Variants in UVRAG observed in about 807,000 individuals in gnomAD.
The protein encoded by UVRAG is UV radiation resistance-associated gene protein.
Under a neutral mutation model 78.0 loss-of-function variants are expected in UVRAG, and 19 were observed. The observed-to-expected ratio is 0.24, with a 90% CI of 0.17 to 0.36. The LOEUF is 0.36. Among genes scored for constraint, UVRAG ranks in the 10% least tolerant of loss-of-function variants. The pLI is 1.00. For synonymous variants in UVRAG, 323 were observed against 324.6 expected, an observed-to-expected ratio of 1.00 and a Z score of 0.05; for missense variants, 740 against 853.8, an observed-to-expected ratio of 0.87 and a Z score of 1.66.
chr11:76,035,996 G>A (rs936892682), intron 12 of UVRAG, among the ~76,000 whole-genome samples: 5 of 152,174 alleles, frequency 3.3e-5, no homozygotes, highest in African/African-American at 1.2e-4. Flanking sequence ...CAAAAATAAG[G>A]TTGGTTCATA....
chr11:76,032,692 G>T (rs535496642), intron 12 of UVRAG, among the ~76,000 whole-genome samples: 1 of 152,180 alleles, frequency 6.6e-6, no homozygotes. Flanking sequence ...AGGCATGCTT[G>T]ATGAGATGGC....
At chr11:76,002,030 AT>A (rs1949823930) in intron 8 of UVRAG, among the ~76,000 whole-genome samples, 1 of 152,184 alleles carries the variant, frequency 6.6e-6, no homozygotes, top group Non-Finnish European at 1.5e-5. Flanking sequence ...CATGGACATC[AT>A]TGCTTCCAGA....
At chr11:75,971,463 T>C (rs1949119738) in intron 7 of UVRAG, among the ~76,000 whole-genome samples, 1 of 152,352 alleles carries the variant, frequency 6.6e-6, no homozygotes, top group African/African-American at 2.4e-5. Context: ...CCACCTTCAA[T>C]GAATGACAGT....
At position 75,950,963 on chromosome 11, in the gene UVRAG, T is replaced by TACACACACAC. The variant is rs35864936; in HGVS notation, c.594-10449_594-10440dup. 8.3e-3 allele frequency among the ~76,000 whole-genome samples: 1,166 copies of TACACACACAC among 140,024 alleles called. 16 individuals carry two copies. Among genetic ancestry groups the TACACACACAC allele is most frequent in the African/African-American group, 0.024 (905 of 38,086 alleles). The allele number at this position is 140,024 out of a possible 152,430, so 91.9% of individuals were successfully genotyped here. ...TTGGATAGAAGTCCTTTGTCAGGTG[T>TACACACACAC]ACACACACACACACACACACACACA... On this transcript the variant is annotated intron_variant, in intron 6 of 14. Coordinates refer to ENST00000356136, the MANE Select transcript of UVRAG (RefSeq NM_003369.4).
chr11:75,912,069 C>T, intron 6 of UVRAG, 30 bp downstream of exon 6: 1 of 1,450,870 alleles, frequency 6.9e-7, no homozygotes. Flanking sequence ...GCCCTGAATT[C>T]TAAAGAATCT....
At chr11:75,916,965 G>A (rs1947870154) in intron 6 of UVRAG, among the ~76,000 whole-genome samples, 2 of 152,244 alleles carry the variant, frequency 1.3e-5, no homozygotes. Flanking sequence ...TTTTATGATA[G>A]TGATGTTATC....
At position 76,140,048 on chromosome 11, in the gene UVRAG, A is replaced by ACTCT. The variant is rs1312448539; in HGVS notation, c.1398-653_1398-650dup. ...TTTTAATTTTTAAAATATAACCTTG[A>ACTCT]CTCTCTCTCTCTCCCTCCCTCCCTC... On this transcript the variant is annotated intron_variant, in intron 14 of 14. Transcript: ENST00000356136. 2.6e-3 allele frequency among the ~76,000 whole-genome samples: 236 copies of ACTCT among 89,966 alleles called. 35 individuals are homozygous for ACTCT. Among genetic ancestry groups the ACTCT allele is most frequent in the African/African-American group, 0.012 (218 of 18,210 alleles). 59.0% of individuals were successfully genotyped at this position (89,966 alleles called of 152,430 possible).
intron 6 of UVRAG, among the ~76,000 whole-genome samples, chr11:75,937,444 G>A (rs150529765): frequency 3.6e-4 from 55 of 152,212 alleles, no homozygotes; most frequent in African/African-American, 1.3e-3. Context: ...CCTTTCTACT[G>A]GTAATTGAAC....
chr11:75,852,046 A>AT (rs746593632), intron 2 of UVRAG, 46 bp downstream of exon 2: 63 of 1,376,974 alleles, frequency 4.6e-5, no homozygotes, highest in Middle Eastern at 1.8e-4. Flanking sequence ...TTATATTTTT[A>AT]TTTTTTTTGT....
chr11:75,933,565 A>G (rs546075381), intron 6 of UVRAG, among the ~76,000 whole-genome samples: 9 of 152,314 alleles, frequency 5.9e-5, no homozygotes, highest in African/African-American at 1.4e-4. Flanking sequence ...TGAAGGCACA[A>G]CCTAGAGAAT....
intron 8 of UVRAG, among the ~76,000 whole-genome samples, chr11:75,992,195 C>T (rs1298242800): frequency 6.6e-6 from 1 of 152,126 alleles, no homozygotes; most frequent in African/African-American, 2.4e-5. Flanking sequence ...CCTAACTGTG[C>T]TGCGAAGGGA....
intron 5 of UVRAG, among the ~76,000 whole-genome samples, chr11:75,889,926 T>A (rs1423567486): frequency 1.3e-5 from 2 of 152,330 alleles, no homozygotes; most frequent in African/African-American, 4.8e-5. Flanking sequence ...GACTTGACTT[T>A]TAAAGCTACA....
At chr11:76,000,656 A>G (rs1847528587) in intron 8 of UVRAG, among the ~76,000 whole-genome samples, 1 of 152,110 alleles carries the variant, frequency 6.6e-6, no homozygotes, top group African/African-American at 2.4e-5. Flanking sequence ...AGATAGATTA[A>G]AAGTTAAAGA....
chr11:76,051,156 G>C (rs1950858892), intron 12 of UVRAG, among the ~76,000 whole-genome samples: 1 of 152,144 alleles, frequency 6.6e-6, no homozygotes, highest in African/African-American at 2.4e-5. Context: ...ATTTCAAGTG[G>C]TGAATAGGTT....
chr11:76,074,035 T>A (rs1464635601), intron 13 of UVRAG, among the ~76,000 whole-genome samples: 2 of 152,130 alleles, frequency 1.3e-5, no homozygotes, highest in Non-Finnish European at 2.9e-5. Flanking sequence ...TTTGGAAAAT[T>A]TGCTTATTTT....
In UVRAG at chr11:75,938,391, C is replaced by T. The variant is rs147869319; in HGVS notation, c.594-23053C>T. 4.0e-3 allele frequency among the ~76,000 whole-genome samples: 610 copies of T among 152,256 alleles called. 1 individual carries two copies. The highest frequency in any genetic ancestry group is 6.3e-3 in the Non-Finnish European group (427 of 68,008). ...TGGATTGTATTTTCCTACTTCTCTGCATATACAGTCATTTTTAATTGGATG... is the reference window on the plus strand; with the variant it reads ...TGGATTGTATTTTCCTACTTCTCTGTATATACAGTCATTTTTAATTGGATG... On this transcript the variant is annotated intron_variant, in intron 6 of 14. Coordinates refer to ENST00000356136, the MANE Select transcript of UVRAG (RefSeq NM_003369.4).
At chr11:75,892,751 C>A (rs1947242157) in intron 5 of UVRAG, among the ~76,000 whole-genome samples, 1 of 152,154 alleles carries the variant, frequency 6.6e-6, no homozygotes, top group Non-Finnish European at 1.5e-5. Context: ...GTAGACTGAA[C>A]CTTAAAAAAC....
At chr11:76,108,784 G>A (rs660211) in intron 13 of UVRAG, among the ~76,000 whole-genome samples, 136,824 of 152,168 alleles carry the variant, frequency 0.9, 61,990 homozygotes, top group African/African-American at 0.97. Flanking sequence ...TTTTTTTAGC[G>A]TAAGGATTAT....
chr11:75,826,750 TA>T lies in UVRAG; in HGVS notation c.117+11228del, dbSNP rs1190997227. On this transcript the variant is annotated intron_variant, in intron 1 of 14. Coordinates refer to ENST00000356136, the MANE Select transcript of UVRAG (RefSeq NM_003369.4). ...TAAGAACTTCTGTTCTCTGCCTCTT[TA>T]AGTTTCTGAAAGAGTAACCATCTGG... is the stretch of plus-strand genomic sequence containing the variant. Among the ~76,000 whole-genome samples the T allele has an allele frequency of 3.9e-5, 6 of 152,028 alleles. No homozygotes were observed. In the South Asian group the frequency reaches 1.2e-3, roughly 32 times the overall value.
Sources: gnomAD v4.1 joint callset for allele counts (sites outside exome capture counted in the v4.1 genomes callset) on GRCh38, gnomAD v4.1.1 for gene constraint, MANE v1.5 for transcripts, NCBI Gene and HGNC (gene_info 2026-07-23, HGNC 2026-07-21) for gene names.